Variants in RBFOX1 observed in about 807,000 individuals in gnomAD.
The protein encoded by RBFOX1 is RNA binding protein fox-1 homolog 1.
RBFOX1 carries 8 observed loss-of-function variants against 57.7 expected under a neutral mutation model. That is an observed-to-expected ratio of 0.14 (90% CI 0.08 to 0.25). The LOEUF is 0.25. RBFOX1 is among the 10% of genes least tolerant of loss of function. The pLI is 1.00. For missense variants in RBFOX1, 611 were observed against 548.5 expected (o/e 1.11, Z -1.14); for synonymous variants, 326 against 222.4 (o/e 1.47, Z -4.15).
intron 1 of RBFOX1, among the ~76,000 whole-genome samples, chr16:5,392,869 G>A (rs987451318): frequency 1.1e-4 from 17 of 152,042 alleles, no homozygotes; most frequent in Non-Finnish European, 2.2e-4. Context: ...CTGCAACTTG[G>A]GCTGTTCAGA....
chr16:5,870,606 A>T (rs2057447315), intron 4 of RBFOX1, among the ~76,000 whole-genome samples: 1 of 151,580 alleles, frequency 6.6e-6, no homozygotes, highest in African/African-American at 2.4e-5. Context: ...CCCAGATGGA[A>T]CAGTTTTTTT....
At chr16:6,973,884 C>T (rs758989399) in intron 3 of RBFOX1, among the ~76,000 whole-genome samples, 3 of 152,124 alleles carry the variant, frequency 2.0e-5, no homozygotes, top group Non-Finnish European at 4.4e-5. Context: ...CTGTCATCAA[C>T]GTATTAAGCC....
At chr16:5,763,609 A>G (rs1202507872) in intron 3 of RBFOX1, among the ~76,000 whole-genome samples, 1 of 152,248 alleles carries the variant, frequency 6.6e-6, no homozygotes, top group Non-Finnish European at 1.5e-5. Context: ...TGCCAAGGCA[A>G]TCCGCCGGCC....
intron 5 of RBFOX1, among the ~76,000 whole-genome samples, chr16:7,548,062 C>G (rs1383241769): frequency 2.6e-5 from 4 of 152,234 alleles, no homozygotes; most frequent in Non-Finnish European, 5.9e-5. Flanking sequence ...TAGACAGGCA[C>G]ATTTTGAGCT....
At chr16:5,933,144 A>G (rs1386785127) in intron 4 of RBFOX1, among the ~76,000 whole-genome samples, 3 of 152,206 alleles carry the variant, frequency 2.0e-5, no homozygotes, top group Non-Finnish European at 4.4e-5. Flanking sequence ...GCTTTCAAAT[A>G]GCTGGAGCTG....
At chr16:6,507,086 T>A (rs2096119768) in intron 2 of RBFOX1, among the ~76,000 whole-genome samples, 2 of 152,116 alleles carry the variant, frequency 1.3e-5, no homozygotes, top group African/African-American at 4.8e-5. Flanking sequence ...ACCTCCAAGG[T>A]ACATCCCAAG....
intron 3 of RBFOX1, among the ~76,000 whole-genome samples, chr16:6,931,690 C>T (rs919412413): frequency 6.6e-6 from 1 of 152,224 alleles, no homozygotes; most frequent in Non-Finnish European, 1.5e-5. Flanking sequence ...GACTCAAAGT[C>T]AGACAGTTTC....
At chr16:7,131,986 C>T (rs912111474) in intron 4 of RBFOX1, among the ~76,000 whole-genome samples, 3 of 129,812 alleles carry the variant, frequency 2.3e-5, no homozygotes, top group Non-Finnish European at 3.1e-5. Context: ...GACTAGAGTC[C>T]TTTTTTTCTT....
intron 3 of RBFOX1, among the ~76,000 whole-genome samples, chr16:5,780,647 C>T (rs1368047881): frequency 1.3e-5 from 2 of 152,102 alleles, no homozygotes; most frequent in Admixed American, 1.3e-4. Context: ...GCAAAGTAGG[C>T]TGCCTCCTCT....
chr16:7,552,573 G>A (rs989709564), intron 5 of RBFOX1, among the ~76,000 whole-genome samples: 3 of 152,170 alleles, frequency 2.0e-5, no homozygotes, highest in Non-Finnish European at 4.4e-5. Flanking sequence ...TTCTTAATAT[G>A]TGCGGCAGAA....
At chr16:6,033,867 C>T (rs1459607928) in intron 1 of RBFOX1, among the ~76,000 whole-genome samples, 2 of 152,192 alleles carry the variant, frequency 1.3e-5, no homozygotes, top group African/African-American at 4.8e-5. Flanking sequence ...TCTGGCTGAG[C>T]TGCACCCTTA....
chr16:7,675,558 A>C (rs1409302500), intron 13 of RBFOX1, among the ~76,000 whole-genome samples: 2 of 152,242 alleles, frequency 1.3e-5, no homozygotes, highest in African/African-American at 2.4e-5. Flanking sequence ...ATTTACTCTG[A>C]AAGTTAACTG....
chr16:7,240,886 A>T (rs1207601190), intron 4 of RBFOX1, among the ~76,000 whole-genome samples: 1 of 152,104 alleles, frequency 6.6e-6, no homozygotes, highest in Non-Finnish European at 1.5e-5. Flanking sequence ...TGTTTTTTGA[A>T]ACTCTTCTTG....
Position 7,494,694 on chromosome 16 carries a change from A to G in RBFOX1, c.28-23453A>G, listed in dbSNP as rs116566451. Among the ~76,000 whole-genome samples the G allele has an allele frequency of 1.4e-3, 211 of 152,302 alleles. 1 individual carries two copies. Among genetic ancestry groups the G allele is most frequent in the African/African-American group, 4.8e-3 (198 of 41,556 alleles). On this transcript the variant is annotated intron_variant, in intron 4 of 15. Coordinates refer to ENST00000550418, the MANE Select transcript of RBFOX1 (RefSeq NM_018723.4). ...GGTCATGATACTTACTCAAAGCCAT[A>G]TACCTGGTAAGAGGCAAAGCCAGCA...
chr16:6,649,834 A>T (rs575793513), intron 2 of RBFOX1, among the ~76,000 whole-genome samples: 1 of 152,104 alleles, frequency 6.6e-6, no homozygotes, highest in Admixed American at 6.6e-5. Context: ...TCTGTTATAT[A>T]TGTATAGTAT....
intron 3 of RBFOX1, among the ~76,000 whole-genome samples, chr16:5,724,288 C>T (rs529585147): frequency 7.2e-5 from 11 of 152,248 alleles, no homozygotes; most frequent in Middle Eastern, 6.8e-3. Flanking sequence ...GAGCCAGGGC[C>T]CTTGCGCACC....
At chr16:7,497,534 G>T (rs2069084324) in intron 4 of RBFOX1, among the ~76,000 whole-genome samples, 1 of 152,128 alleles carries the variant, frequency 6.6e-6, no homozygotes, top group South Asian at 2.1e-4. Flanking sequence ...ATCTTAATCT[G>T]CATGAGAGCA....
At position 5,596,228 on chromosome 16, in the gene RBFOX1, G is replaced by C. The variant is rs115493020; in HGVS notation, c.259-2674G>C. Among the ~76,000 whole-genome samples, 631 of 152,300 alleles carry C rather than the reference G, an allele frequency of 4.1e-3. 2 individuals carry two copies. The highest frequency in any genetic ancestry group is 0.015 in the African/African-American group (610 of 41,560). On this transcript the variant is annotated intron_variant, in intron 2 of 2. Coordinates refer to the RBFOX1 transcript ENST00000585867. Reference sequence around the variant, plus strand: ...GGTTCCCAAGTAAGATCATACTCGAGTGTGAGTCCTAACTTGTCTATTTCC... The same window carrying C: ...GGTTCCCAAGTAAGATCATACTCGACTGTGAGTCCTAACTTGTCTATTTCC...
intron 4 of RBFOX1, among the ~76,000 whole-genome samples, chr16:5,930,745 G>T (rs1174974131): frequency 4.1e-5 from 5 of 120,624 alleles, no homozygotes; most frequent in African/African-American, 6.5e-5. Context: ...CAGGTGGGAG[G>T]GTGGATGGAT....
Sources: allele counts gnomAD v4.1 joint callset (sites outside exome capture counted in the v4.1 genomes callset), GRCh38; gene constraint gnomAD v4.1.1; transcripts MANE v1.5; gene names NCBI Gene and HGNC (gene_info 2026-07-23, HGNC 2026-07-21).